Variants in SLC17A6 observed in about 807,000 individuals in gnomAD.
The protein encoded by SLC17A6 is solute carrier family 17 member 6, also known as vesicular glutamate transporter 2.
Under a neutral mutation model 67.1 loss-of-function variants are expected in SLC17A6, and 35 were observed. That is an observed-to-expected ratio of 0.52 (90% CI 0.40 to 0.69). The LOEUF (loss-of-function observed/expected upper bound fraction) is 0.69, where lower values mean the gene tolerates loss of function less well. SLC17A6 is among the 30% of genes least tolerant of loss of function. The probability of loss-of-function intolerance (pLI) is 0.00; values close to 1 mark genes in which losing one functional copy is unlikely to be tolerated. For missense variants in SLC17A6, 588 were observed against 723.9 expected, an observed-to-expected ratio of 0.81 and a Z score of 2.15; for synonymous variants, 285 against 252.3, an observed-to-expected ratio of 1.13 and a Z score of -1.23.
chr11:22,353,189 T>C (rs1240637895), intron 3 of SLC17A6, among the ~76,000 whole-genome samples: 4 of 152,200 alleles, frequency 2.6e-5, no homozygotes, highest in South Asian at 2.1e-4. Flanking sequence ...CCTTTCATAA[T>C]TGATTTATTT....
chr11:22,340,288 A>C (rs1855800692), intron 1 of SLC17A6, among the ~76,000 whole-genome samples: 1 of 152,198 alleles, frequency 6.6e-6, no homozygotes, highest in Non-Finnish European at 1.5e-5. Flanking sequence ...TAAATATCGA[A>C]AGTATCAATC....
At chr11:22,376,154 C>T (rs1856230469) in intron 10 of SLC17A6, 62 bp downstream of exon 10, 9 of 1,079,058 alleles carry the variant, frequency 8.3e-6, no homozygotes, top group Non-Finnish European at 1.3e-5. Flanking sequence ...TGATAAAAGA[C>T]ACATACATAT....
intron 2 of SLC17A6, 101 bp from the exon 3 acceptor site, chr11:22,343,146 G>C: frequency 1.1e-6 from 1 of 951,728 alleles, no homozygotes; most frequent in Non-Finnish European, 1.7e-6. Context: ...TGCATGAAGC[G>C]CCCAAGCCTT....
Position 22,377,832 on chromosome 11 carries a change from A to C in SLC17A6, c.*92A>C. On this transcript the variant is annotated 3_prime_UTR_variant, in exon 12 of 12. Transcript: ENST00000263160. ...TAAAAACACGTGATGTAAACTTGCA[A>C]GCATATCAACCAGGCAAGTCTTGCT... is the stretch of plus-strand genomic sequence containing the variant. 1.9e-6 allele frequency: 2 copies of C among 1,056,514 alleles called. No homozygotes were observed. Among genetic ancestry groups the C allele is most frequent in the Non-Finnish European group, 2.7e-6 (2 of 744,518 alleles). The allele number at this position is 1,056,514 out of a possible 1,614,324, so 65.4% of individuals were successfully genotyped here.
chr11:22,366,299 T>G (rs933018778), intron 7 of SLC17A6, among the ~76,000 whole-genome samples: 2 of 152,000 alleles, frequency 1.3e-5, no homozygotes, highest in Non-Finnish European at 2.9e-5. Flanking sequence ...CTTATTGTAC[T>G]GTACAACTAG....
intron 8 of SLC17A6, among the ~76,000 whole-genome samples, chr11:22,370,724 T>C (rs1161192214): frequency 6.6e-6 from 1 of 152,158 alleles, no homozygotes; most frequent in East Asian, 1.9e-4. Context: ...CAGAACTTTA[T>C]GTGAGATGCA....
intron 7 of SLC17A6, among the ~76,000 whole-genome samples, chr11:22,369,785 T>C (rs1240134618): frequency 6.6e-6 from 1 of 152,020 alleles, no homozygotes; most frequent in Non-Finnish European, 1.5e-5. Flanking sequence ...TCTATAATTA[T>C]GTAATCCTGC....
Position 22,372,391 on chromosome 11 carries a change from CAT to C in SLC17A6, c.1041+2215_1041+2216del, listed in dbSNP as rs3993092. On this transcript the variant is annotated intron_variant, in intron 8 of 11. Transcript: ENST00000263160. ...GTATATATATATATACACACATACACATATATATATATAATTTAATATATTAT... is the reference window on the plus strand; with the variant it reads ...GTATATATATATATACACACATACACATATATATATAATTTAATATATTAT... Among the ~76,000 whole-genome samples, 853 of 149,522 alleles carry C rather than the reference CAT, an allele frequency of 5.7e-3. 5 individuals carry two copies. The highest frequency in any genetic ancestry group is 0.018 in the African/African-American group (728 of 40,824).
In SLC17A6 at chr11:22,359,394, C is replaced by A; in HGVS notation, c.459-19C>A. On this transcript the variant is annotated intron_variant, in intron 3 of 11. Coordinates refer to ENST00000263160, the MANE Select transcript of SLC17A6 (RefSeq NM_020346.3). ...GATGCTGAATCATTTAAACAGTGTT[C>A]TCATCTTTTCTATTTCAGGGTTTTC... is the stretch of plus-strand genomic sequence containing the variant. 1 of 1,482,456 alleles carries A rather than the reference C, an allele frequency of 6.7e-7. No individual in the cohort carries two copies. Among genetic ancestry groups the A allele is most frequent in the South Asian group, 1.3e-5 (1 of 78,470 alleles). 91.8% of individuals were successfully genotyped at this position (1,482,456 alleles called of 1,614,324 possible).
At chr11:22,339,067 A>ATATATATATGT (rs1237187894) in intron 1 of SLC17A6, among the ~76,000 whole-genome samples, 2 of 124,172 alleles carry the variant, frequency 1.6e-5, no homozygotes, top group African/African-American at 5.7e-5. Context: ...TGGTTTATAT[A>ATATATATATGT]TATATATATG....
chr11:22,374,823 A>C lies in SLC17A6; in HGVS notation c.1110A>C (p.Ala370=), dbSNP rs149851501. ...TTGTGCCTATTGGGGGACAAATTGC[A>C]GATTTTCTAAGAAGCAAGCAGATTC... The part of the protein sequence containing the change: ...TIIVPIGGQI[A]DFLRSKQILS... Residue 370 remains alanine, a synonymous_variant, in exon 9 of 12, where the codon GCA becomes GCC. Coordinates refer to ENST00000263160, the MANE Select transcript of SLC17A6 (RefSeq NM_020346.3). The C allele has an allele frequency of 1.2e-5, 19 of 1,613,778 alleles. No homozygotes were observed. In the African/African-American group the frequency reaches 2.5e-4, roughly 22 times the overall value.
intron 3 of SLC17A6, among the ~76,000 whole-genome samples, chr11:22,351,321 T>C (rs973725591): frequency 5.3e-5 from 8 of 152,146 alleles, no homozygotes; most frequent in African/African-American, 1.9e-4. Flanking sequence ...TTTAGGCTTC[T>C]AGGGTACCCA....
chr11:22,342,279 T>A (rs1855823998), intron 2 of SLC17A6, among the ~76,000 whole-genome samples: 1 of 152,026 alleles, frequency 6.6e-6, no homozygotes, highest in Non-Finnish European at 1.5e-5. Flanking sequence ...AGCCACAACG[T>A]AAGAGGGTCC....
chr11:22,345,864 A>G (rs1416820164), intron 3 of SLC17A6, among the ~76,000 whole-genome samples: 1 of 152,178 alleles, frequency 6.6e-6, no homozygotes, highest in East Asian at 1.9e-4. Flanking sequence ...TCAGCCTGAT[A>G]CCCCTATTAT....
In SLC17A6 at chr11:22,342,837, T is replaced by C. The variant is rs539790646; in HGVS notation, c.340-410T>C. On this transcript the variant is annotated intron_variant, in intron 2 of 11. Coordinates refer to ENST00000263160, the MANE Select transcript of SLC17A6 (RefSeq NM_020346.3). ...AATTTCCCGATTTAAGTCTCCAGGG[T>C]TGGAAGTCACTACACTACTGTGTCT... The C allele has an allele frequency of 3.6e-4, 142 of 390,966 alleles. 1 individual carries two copies. Among genetic ancestry groups the C allele is most frequent in the African/African-American group, 2.9e-3 (137 of 47,558 alleles). The allele number at this position is 390,966 out of a possible 1,614,324, so 24.2% of individuals were successfully genotyped here.
chr11:22,370,043 T>C lies in SLC17A6; in HGVS notation c.896T>C (p.Phe299Ser), dbSNP rs778801044. 1.0e-5 allele frequency: 16 copies of C among 1,605,280 alleles called. No individual in the cohort carries two copies. In the Admixed American group the frequency reaches 2.6e-4, roughly 26 times the overall value. ...SANLLGAMEK[F>S]KTPWRKFFTS... ...TCTCTCTTTTTGGAATTTCAGAAAT[T>C]CAAGACTCCATGGAGGAAGTTTTTT... Residue 299 changes from phenylalanine to serine, a missense_variant, in exon 8 of 12, where the codon TTC becomes TCC. Coordinates refer to ENST00000263160, the MANE Select transcript of SLC17A6 (RefSeq NM_020346.3).
At chr11:22,347,348 T>C (rs1855889681) in intron 3 of SLC17A6, among the ~76,000 whole-genome samples, 1 of 152,166 alleles carries the variant, frequency 6.6e-6, no homozygotes, top group South Asian at 2.1e-4. Context: ...ATTTATCCCC[T>C]TTACACCTTA....
At position 22,377,835 on chromosome 11, in the gene SLC17A6, A is replaced by G; in HGVS notation, c.*95A>G. ...AAACACGTGATGTAAACTTGCAAGC[A>G]TATCAACCAGGCAAGTCTTGCTGTA... On this transcript the variant is annotated 3_prime_UTR_variant, in exon 12 of 12. Coordinates refer to ENST00000263160, the MANE Select transcript of SLC17A6 (RefSeq NM_020346.3). 3.0e-6 allele frequency: 3 copies of G among 1,010,436 alleles called. No homozygotes were observed. Among genetic ancestry groups the G allele is most frequent in the Non-Finnish European group, 4.3e-6 (3 of 704,232 alleles). 62.6% of individuals were successfully genotyped at this position (1,010,436 alleles called of 1,614,324 possible).
At chr11:22,341,426 G>A (rs545620786) in intron 1 of SLC17A6, 102 bp from the exon 2 acceptor site, 103 of 1,507,910 alleles carry the variant, frequency 6.8e-5, no homozygotes, top group Admixed American at 1.2e-4. Context: ...GAGGTCGACG[G>A]CCCTCCTCCC....
Sources: allele counts gnomAD v4.1 joint callset (sites outside exome capture counted in the v4.1 genomes callset), GRCh38; gene constraint gnomAD v4.1.1; transcripts MANE v1.5; gene names NCBI Gene and HGNC (gene_info 2026-07-23, HGNC 2026-07-21).